Variants in NKIRAS1 observed in about 807,000 individuals in gnomAD.
The protein encoded by NKIRAS1 is NF-kappa-B inhibitor-interacting Ras-like protein 1.
Under a neutral mutation model 19.8 loss-of-function variants are expected in NKIRAS1, and 16 were observed. The observed-to-expected ratio is 0.81, with a 90% CI of 0.55 to 1.23. The LOEUF (loss-of-function observed/expected upper bound fraction) is 1.23, where lower values mean the gene tolerates loss of function less well. NKIRAS1 is among the 50% of genes most tolerant of loss of function. The pLI, the probability that NKIRAS1 is intolerant of heterozygous loss-of-function variation, is 0.00. For missense variants in NKIRAS1, 184 were observed against 220.0 expected, an observed-to-expected ratio of 0.84 and a Z score of 1.04; for synonymous variants, 88 against 79.0, an observed-to-expected ratio of 1.11 and a Z score of -0.61.
At chr3:23,919,749 T>C, upstream of NKIRAS1, 1 of 1,265,448 alleles carries the variant, frequency 7.9e-7, no homozygotes. Context: ...TAAAACATAC[T>C]GTGTGGTATA....
chr3:23,943,051 T>A (rs6805489), intron 1 of NKIRAS1, among the ~76,000 whole-genome samples: 97,736 of 151,944 alleles, frequency 0.64, 31,614 homozygotes, highest in Middle Eastern at 0.75. Flanking sequence ...CACTGCGCCC[T>A]GCCAGGGCTC....
intron 1 of NKIRAS1, among the ~76,000 whole-genome samples, chr3:23,941,309 G>C (rs1312649348): frequency 6.6e-6 from 1 of 152,114 alleles, no homozygotes; most frequent in East Asian, 1.9e-4. Context: ...TTTGGGATAA[G>C]AGGACTCTTA....
upstream of NKIRAS1, chr3:23,920,523 T>G (rs2125258413): frequency 2.0e-6 from 2 of 985,352 alleles, no homozygotes; most frequent in Admixed American, 1.2e-4. Context: ...CATTTCTGTT[T>G]GCACCATGTC....
intron 1 of NKIRAS1, among the ~76,000 whole-genome samples, chr3:23,942,630 C>T (rs760138144): frequency 2.6e-5 from 4 of 152,094 alleles, no homozygotes; most frequent in Non-Finnish European, 5.9e-5. Context: ...GGGGTTTCTC[C>T]ACGTTGGTCA....
At chr3:23,915,131 A>G (rs1704203309) in intron 1 of NKIRAS1, among the ~76,000 whole-genome samples, 1 of 152,204 alleles carries the variant, frequency 6.6e-6, no homozygotes, top group Admixed American at 6.5e-5. Context: ...CCATACGAAG[A>G]TATTATCCTG....
Position 23,927,821 on chromosome 3 carries a change from G to A in NKIRAS1, c.-139-16371C>T, listed in dbSNP as rs116424428. Among the ~76,000 whole-genome samples, 949 of 152,224 alleles carry A rather than the reference G, an allele frequency of 6.2e-3. 11 individuals are homozygous for A. The highest frequency in any genetic ancestry group is 0.021 in the African/African-American group (892 of 41,528). On this transcript the variant is annotated intron_variant, in intron 1 of 4. Transcript: ENST00000421515. This position sits in a 1 kb window ranked among gnomAD's most constrained non-coding sequence, Gnocchi z 4.0. ...AGGCTGGGCATGGTGGCTCATACCT[G>A]TAATCCTAGAAATTTGGGAGGCCAA...
At chr3:23,908,380 G>C (rs1175901175) in intron 3 of NKIRAS1, among the ~76,000 whole-genome samples, 1 of 152,124 alleles carries the variant, frequency 6.6e-6, no homozygotes, top group Non-Finnish European at 1.5e-5. Context: ...ATAATTACCT[G>C]AAAAGGCTAT....
At position 23,890,497 on chromosome 3, in the gene NKIRAS1, C is replaced by G; in HGVS notation, c.*2598G>C. On this transcript the variant is annotated 3_prime_UTR_variant, in exon 5 of 5. Coordinates refer to ENST00000425478, the MANE Select transcript of NKIRAS1 (RefSeq NM_020345.4). ...TCCTTTCTCCAAAGTAATCTACATT[C>G]TTTTCTTCCAGCCGACCCCTTGGTG... The G allele has an allele frequency of 6.2e-7, 1 of 1,608,018 alleles. No homozygotes were observed. The highest frequency in any genetic ancestry group is 2.2e-5 in the East Asian group (1 of 44,528).
intron 3 of NKIRAS1, among the ~76,000 whole-genome samples, chr3:23,907,609 G>A (rs13318927): frequency 0.19 from 28,161 of 152,188 alleles, 2,633 homozygotes; most frequent in Non-Finnish European, 0.21. Context: ...GGGTAAAACT[G>A]CCGGTACCTT....
chr3:23,921,867 C>T (rs527334564), upstream of NKIRAS1: 1 of 474,584 alleles, frequency 2.1e-6, no homozygotes, highest in East Asian at 3.6e-5. Context: ...GAGCCACCAC[C>T]CCCAGCCCAA....
chr3:23,928,541 A>C (rs1163911704), intron 1 of NKIRAS1, among the ~76,000 whole-genome samples: 2 of 151,930 alleles, frequency 1.3e-5, no homozygotes, highest in Admixed American at 6.6e-5. Flanking sequence ...GAAACACTGT[A>C]ATTTCAGATA....
At chr3:23,938,191 C>T (rs930594698) in intron 1 of NKIRAS1, among the ~76,000 whole-genome samples, 1 of 148,428 alleles carries the variant, frequency 6.7e-6, no homozygotes, top group African/African-American at 2.5e-5. Context: ...AAAACCCTCT[C>T]ATTGAGAAGT....
chr3:23,892,827 C>T lies in NKIRAS1; in HGVS notation c.*268G>A, dbSNP rs1575054133. 1 of 249,440 alleles carries T rather than the reference C, an allele frequency of 4.0e-6. No homozygotes were observed. The highest frequency in any genetic ancestry group is 7.3e-5 in the East Asian group (1 of 13,706). 15.5% of individuals were successfully genotyped at this position (249,440 alleles called of 1,614,324 possible). Reference sequence around the variant, plus strand: ...ACTATCCAAACTATTTTACTGTTTTCACAAGTACAACATAAATAACAAAGG... The same window carrying T: ...ACTATCCAAACTATTTTACTGTTTTTACAAGTACAACATAAATAACAAAGG... On this transcript the variant is annotated 3_prime_UTR_variant, in exon 5 of 5. Coordinates refer to ENST00000425478, the MANE Select transcript of NKIRAS1 (RefSeq NM_020345.4).
At chr3:23,897,802 T>C (rs916772917) in intron 4 of NKIRAS1, among the ~76,000 whole-genome samples, 6 of 152,228 alleles carry the variant, frequency 3.9e-5, no homozygotes, top group Non-Finnish European at 5.9e-5. Context: ...TTGTAATGTA[T>C]TAAATATATT....
chr3:23,905,182 T>G (rs1702902463), intron 3 of NKIRAS1, among the ~76,000 whole-genome samples: 1 of 152,132 alleles, frequency 6.6e-6, no homozygotes, highest in Non-Finnish European at 1.5e-5. Flanking sequence ...ATGGATTAAT[T>G]TAATTCATAG....
chr3:23,917,340 G>A (rs1704657887), upstream of NKIRAS1: 1 of 153,248 alleles, frequency 6.5e-6, no homozygotes. Context: ...GGCCCCCGGG[G>A]CGGGTTGAGC....
At chr3:23,909,736 T>C (rs1164728982) in intron 3 of NKIRAS1, among the ~76,000 whole-genome samples, 1 of 152,184 alleles carries the variant, frequency 6.6e-6, no homozygotes, top group East Asian at 1.9e-4. Flanking sequence ...ATTATTTGAC[T>C]CAGCGAATGA....
rs755588261 is a variant in NKIRAS1, at chr3:23,890,633, T to C, written c.*2462A>G. The C allele has an allele frequency of 1.4e-5, 23 of 1,607,976 alleles. No individual in the cohort carries two copies. The highest frequency in any genetic ancestry group is 1.9e-5 in the Non-Finnish European group (22 of 1,176,226). On this transcript the variant is annotated 3_prime_UTR_variant, in exon 5 of 5. Transcript: ENST00000425478. ...TTGGGGTTTCACAATTCTTACATTATTTGTCTGTCACAGAAGAGAGCTGCT... is the reference window on the plus strand; with the variant it reads ...TTGGGGTTTCACAATTCTTACATTACTTGTCTGTCACAGAAGAGAGCTGCT...
chr3:23,900,775 T>C (rs766189017), intron 4 of NKIRAS1, 33 bp downstream of exon 4: 1 of 1,572,046 alleles, frequency 6.4e-7, no homozygotes, highest in Non-Finnish European at 8.7e-7. Flanking sequence ...GGTATTATAA[T>C]TCACATTTGG....
Sources: allele counts gnomAD v4.1 joint callset (sites outside exome capture counted in the v4.1 genomes callset), GRCh38; gene constraint gnomAD v4.1.1; non-coding constraint Gnocchi (gnomAD v3.1); transcripts MANE v1.5; gene names NCBI Gene and HGNC (gene_info 2026-07-23, HGNC 2026-07-21).